Variants in IRGM observed in about 807,000 individuals in gnomAD.
The protein encoded by IRGM is immunity related GTPase M.
For synonymous variants in IRGM, 98 were observed against 80.6 expected (o/e 1.22, Z -1.16); for missense variants, 288 against 219.9 (o/e 1.31, Z -1.96).
chr5:150,853,181 A>G (rs1389154978), downstream of IRGM, among the ~76,000 whole-genome samples: 1 of 151,994 alleles, frequency 6.6e-6, no homozygotes, highest in Non-Finnish European at 1.5e-5. Flanking sequence ...AATTTTTCTT[A>G]TTTAACCCAT....
intron 3 of IRGM, among the ~76,000 whole-genome samples, chr5:150,891,260 CTTTT>C (rs769174924): frequency 1.3e-5 from 2 of 152,114 alleles, no homozygotes; most frequent in South Asian, 2.1e-4. Flanking sequence ...TTCCAGATTT[CTTTT>C]GTGTTATCAT....
intron 3 of IRGM, chr5:150,898,264 A>G (rs1293233891): frequency 2.5e-6 from 4 of 1,598,706 alleles, no homozygotes; most frequent in East Asian, 2.2e-5. Flanking sequence ...ATGGTCTACA[A>G]TAAAGCTGTC....
At chr5:150,896,465 T>C (rs781493223) in intron 3 of IRGM, 16 of 1,613,428 alleles carry the variant, frequency 9.9e-6, no homozygotes, top group Admixed American at 3.3e-5. Flanking sequence ...CATTCTGATA[T>C]TGAATAAGGG....
At chr5:150,898,835 T>C (rs1416533892) in intron 3 of IRGM, among the ~76,000 whole-genome samples, 1 of 151,906 alleles carries the variant, frequency 6.6e-6, no homozygotes, top group Non-Finnish European at 1.5e-5. Flanking sequence ...AAACAATGAA[T>C]AGTAAAGAGG....
intron 1 of IRGM, 191 bp from the exon 2 acceptor site, chr5:150,847,518 A>C (rs1753886676): frequency 6.5e-6 from 1 of 152,758 alleles, no homozygotes. Context: ...AACCGGCCTC[A>C]GGGCGTTCCT....
intron 1 of IRGM, among the ~76,000 whole-genome samples, chr5:150,860,164 G>T (rs1337867092): frequency 6.6e-6 from 1 of 152,124 alleles, no homozygotes; most frequent in Non-Finnish European, 1.5e-5. Flanking sequence ...TTTATACAAT[G>T]GCAATTTAAC....
At chr5:150,874,403 C>A (rs1162804089) in intron 1 of IRGM, among the ~76,000 whole-genome samples, 1 of 152,148 alleles carries the variant, frequency 6.6e-6, no homozygotes, top group Non-Finnish European at 1.5e-5. Context: ...AATTCAGGGA[C>A]CTTCTACCTC....
intron 1 of IRGM, among the ~76,000 whole-genome samples, chr5:150,861,673 T>C (rs1006823598): frequency 6.6e-6 from 1 of 152,126 alleles, no homozygotes; most frequent in African/African-American, 2.4e-5. Flanking sequence ...TAATAGTCCA[T>C]CTGAAACTTA....
intron 1 of IRGM, among the ~76,000 whole-genome samples, chr5:150,862,804 G>A (rs185063214): frequency 2.6e-5 from 4 of 152,278 alleles, no homozygotes; most frequent in Admixed American, 1.3e-4. Context: ...TAGCAACATT[G>A]GAGAGCAATG....
intron 3 of IRGM, among the ~76,000 whole-genome samples, chr5:150,885,575 T>C (rs1754508725): frequency 6.6e-6 from 1 of 152,116 alleles, no homozygotes. Context: ...TTTGCTTGCA[T>C]CTTCTCTGAT....
intron 1 of IRGM, among the ~76,000 whole-genome samples, chr5:150,854,985 CT>C (rs1391527027): frequency 2.6e-5 from 4 of 152,184 alleles, no homozygotes; most frequent in East Asian, 3.9e-4. Flanking sequence ...CTTGGTTGCT[CT>C]TTTTTTCTGA....
At chr5:150,877,386 C>G (rs1404813896) in intron 1 of IRGM, among the ~76,000 whole-genome samples, 1 of 152,062 alleles carries the variant, frequency 6.6e-6, no homozygotes, top group Non-Finnish European at 1.5e-5. Context: ...TTTAGTCTTC[C>G]GGCCTACATC....
chr5:150,865,935 T>G (rs1425287088), intron 1 of IRGM, among the ~76,000 whole-genome samples: 1 of 152,088 alleles, frequency 6.6e-6, no homozygotes, highest in Non-Finnish European at 1.5e-5. Flanking sequence ...TTTTGTATTT[T>G]TGGTAGAGAT....
intron 3 of IRGM, chr5:150,898,076 G>T: frequency 6.2e-7 from 1 of 1,610,954 alleles, no homozygotes; most frequent in African/African-American, 1.3e-5. Flanking sequence ...TCTCCCATCT[G>T]CCTGATATTC....
At chr5:150,895,293 C>T in intron 3 of IRGM, 1 of 645,980 alleles carries the variant, frequency 1.5e-6, no homozygotes, top group Non-Finnish European at 2.5e-6. Context: ...TTAGGCATCA[C>T]CAAACTAGAA....
rs1327432426 is a variant in IRGM at position 150,848,207 on chromosome 5, A to G, written c.84A>G (p.Ile28Met). The G allele has an allele frequency of 5.8e-6, 9 of 1,551,816 alleles. No individual in the cohort carries two copies. Among genetic ancestry groups the G allele is most frequent in the Non-Finnish European group, 7.0e-6 (8 of 1,146,944 alleles). Residue 28 changes from isoleucine (I) to methionine (M), a missense_variant, in exon 2 of 2, where the codon ATA becomes ATG. Transcript: ENST00000522154. ...CTAACATCAAGGAGACTCTGAAGAT[A>G]GTGTCCAGGACACCAGTTAACATCA... is the stretch of plus-strand genomic sequence containing the variant. ...VISNIKETLKIVSRTPVNITM... is the reference protein window; with the variant it reads ...VISNIKETLKMVSRTPVNITM...
At chr5:150,880,618 TCC>T (rs1754430060) in intron 3 of IRGM, among the ~76,000 whole-genome samples, 1 of 152,132 alleles carries the variant, frequency 6.6e-6, no homozygotes, top group African/African-American at 2.4e-5. Flanking sequence ...AGGAAAGCCC[TCC>T]CAATGGGAAC....
chr5:150,853,026 AC>A (rs1260976496), downstream of IRGM, among the ~76,000 whole-genome samples: 1 of 152,096 alleles, frequency 6.6e-6, no homozygotes, highest in East Asian at 1.9e-4. Context: ...GTGCCTTAAA[AC>A]ATAAAGTTGT....
intron 3 of IRGM, chr5:150,895,235 A>G: frequency 2.0e-6 from 1 of 502,448 alleles, no homozygotes; most frequent in Non-Finnish European, 3.5e-6. Context: ...CCATATTAAA[A>G]ATGTTCTTCA....
Sources: allele counts gnomAD v4.1 joint callset (sites outside exome capture counted in the v4.1 genomes callset), GRCh38; gene constraint gnomAD v4.1.1; transcripts MANE v1.5; gene names NCBI Gene and HGNC (gene_info 2026-07-23, HGNC 2026-07-21).